LDB2: variants seen among roughly 807,000 people sequenced by gnomAD.
LDB2 encodes LIM domain binding 2, also known as LIM domain-binding protein 2.
A neutral mutation model predicts 44.3 loss-of-function variants in LDB2; 12 were observed. That is an observed-to-expected ratio of 0.27 (90% CI 0.17 to 0.44). The LOEUF (loss-of-function observed/expected upper bound fraction) is 0.44, where lower values mean the gene tolerates loss of function less well. LDB2 is among the 20% of genes least tolerant of loss of function. The pLI is 1.00. For synonymous variants in LDB2, 164 were observed against 174.8 expected (o/e 0.94, Z 0.49); for missense variants, 344 against 473.5 (o/e 0.73, Z 2.54).
At chr4:16,880,492 T>C (rs533594325) in intron 1 of LDB2, among the ~76,000 whole-genome samples, 1 of 152,334 alleles carries the variant, frequency 6.6e-6, no homozygotes, top group East Asian at 1.9e-4. Context: ...CATAGCCTTC[T>C]GTGCCTGAAA....
intron 1 of LDB2, among the ~76,000 whole-genome samples, chr4:16,831,329 G>T (rs1413212175): frequency 6.6e-6 from 1 of 152,076 alleles, no homozygotes; most frequent in Admixed American, 6.6e-5. Flanking sequence ...AATAAGCCGG[G>T]TCACATAGAT....
At position 16,871,195 on chromosome 4, in the gene LDB2, G is replaced by A. The variant is rs180683517; in HGVS notation, c.132+27159C>T. On this transcript the variant is annotated intron_variant, in intron 1 of 7. Transcript: ENST00000304523. ...TATTGGTGCCCTTGGGGTTATTTAT[G>A]TCTGTTGCATGATGGAAATACTGTA... Among the ~76,000 whole-genome samples the A allele has an allele frequency of 3.3e-4, 50 of 152,264 alleles. No homozygotes were observed. In the East Asian group the frequency reaches 8.3e-3, roughly 25 times the overall value.
intron 1 of LDB2, among the ~76,000 whole-genome samples, chr4:16,837,449 A>G (rs1390761638): frequency 6.6e-6 from 1 of 152,224 alleles, no homozygotes; most frequent in East Asian, 1.9e-4. Flanking sequence ...ATACCTTGGC[A>G]TAGTCTCTTC....
At chr4:16,883,881 T>C (rs1720893521) in intron 1 of LDB2, among the ~76,000 whole-genome samples, 2 of 152,126 alleles carry the variant, frequency 1.3e-5, no homozygotes. Context: ...TTACATCACC[T>C]TGGCTTACGG....
intron 1 of LDB2, among the ~76,000 whole-genome samples, chr4:16,785,100 G>A (rs941133450): frequency 1.3e-4 from 19 of 151,478 alleles, no homozygotes; most frequent in African/African-American, 3.9e-4. Flanking sequence ...GTGTATGTAC[G>A]TATATTTAAT....
intron 1 of LDB2, among the ~76,000 whole-genome samples, chr4:16,775,564 A>T (rs530597968): frequency 6.6e-6 from 1 of 152,226 alleles, no homozygotes; most frequent in Non-Finnish European, 1.5e-5. Context: ...ATTGTTATCC[A>T]TCATTATTAC....
chr4:16,753,444 G>A (rs771316829), intron 2 of LDB2, among the ~76,000 whole-genome samples: 3 of 152,150 alleles, frequency 2.0e-5, no homozygotes, highest in Non-Finnish European at 4.4e-5. Flanking sequence ...ATACTGCAAA[G>A]CTATTGGAGC....
Position 16,767,445 on chromosome 4 carries a change from A to T in LDB2, c.133-8185T>A, listed in dbSNP as rs150913404. 1.6e-3 allele frequency among the ~76,000 whole-genome samples: 242 copies of T among 152,296 alleles called. 1 individual carries two copies. In the East Asian group the frequency reaches 0.041, roughly 26 times the overall value. On this transcript the variant is annotated intron_variant, in intron 1 of 7. Transcript: ENST00000304523. ...TCATGGATCAGGAGGACTGAGTACC[A>T]AATGCCCGAACTCATGTGTAGATTG...
At chr4:16,563,114 C>T (rs1253068465) in intron 5 of LDB2, among the ~76,000 whole-genome samples, 1 of 151,540 alleles carries the variant, frequency 6.6e-6, no homozygotes, top group Admixed American at 6.6e-5. Flanking sequence ...ATACCTAATG[C>T]TAAATGACGA....
chr4:16,772,883 T>C (rs576947979), intron 1 of LDB2, among the ~76,000 whole-genome samples: 1 of 152,218 alleles, frequency 6.6e-6, no homozygotes, highest in African/African-American at 2.4e-5. Context: ...CATGATAATA[T>C]AAAGTGAAGG....
Position 16,799,553 on chromosome 4 carries a change from C to T in LDB2, c.133-40293G>A, listed in dbSNP as rs531805005. Among the ~76,000 whole-genome samples, 12 of 152,312 alleles carry T rather than the reference C, an allele frequency of 7.9e-5. No individual in the cohort carries two copies. In the South Asian group the frequency reaches 2.5e-3, roughly 32 times the overall value. ...TTCCTTTCCTTCAGGAACTTAGGTTCCTGCCAACCTGTAATCTGTGCCCCA... is the reference window on the plus strand; with the variant it reads ...TTCCTTTCCTTCAGGAACTTAGGTTTCTGCCAACCTGTAATCTGTGCCCCA... On this transcript the variant is annotated intron_variant, in intron 1 of 7. Transcript: ENST00000304523.
chr4:16,545,115 C>A (rs1026832741), intron 5 of LDB2, among the ~76,000 whole-genome samples: 14 of 151,746 alleles, frequency 9.2e-5, no homozygotes, highest in African/African-American at 3.4e-4. Context: ...TGCTCTCCTT[C>A]CTCCCTCCCT....
intron 1 of LDB2, among the ~76,000 whole-genome samples, chr4:16,780,095 A>G (rs1772843546): frequency 6.6e-6 from 1 of 152,246 alleles, no homozygotes; most frequent in Admixed American, 6.5e-5. Context: ...TATGCAGCTC[A>G]AAATTTAGAG....
At chr4:16,846,473 G>C (rs1031530015) in intron 1 of LDB2, among the ~76,000 whole-genome samples, 15 of 152,200 alleles carry the variant, frequency 9.9e-5, no homozygotes, top group African/African-American at 3.6e-4. Flanking sequence ...TATTGGAAGT[G>C]AGTCTAAAAA....
chr4:16,889,410 C>A (rs1400161928), intron 1 of LDB2: 1 of 152,114 alleles, frequency 6.6e-6, no homozygotes, highest in Admixed American at 6.6e-5. Context: ...TCAGGAGATT[C>A]CCAACAGATT....
chr4:16,877,113 A>G lies in LDB2; in HGVS notation c.132+21241T>C, dbSNP rs574534619. ...AACATTTTCAAATCTGTTACCTTTA[A>G]TATGCAACTGGCAAGAGAGACAGGC... On this transcript the variant is annotated intron_variant, in intron 1 of 7. Transcript: ENST00000304523. Among the ~76,000 whole-genome samples, 4 of 152,282 alleles carry G rather than the reference A, an allele frequency of 2.6e-5. No homozygotes were observed. In the South Asian group the frequency reaches 6.2e-4, roughly 24 times the overall value.
At chr4:16,744,467 A>ATT (rs199932720) in intron 2 of LDB2, among the ~76,000 whole-genome samples, 1 of 136,382 alleles carries the variant, frequency 7.3e-6, no homozygotes, top group African/African-American at 2.7e-5. Flanking sequence ...AAGTCACGTG[A>ATT]TTTTTTTTTG....
At chr4:16,701,374 A>C (rs1753403408) in intron 2 of LDB2, among the ~76,000 whole-genome samples, 1 of 152,208 alleles carries the variant, frequency 6.6e-6, no homozygotes, top group African/African-American at 2.4e-5. Context: ...TGAGTGTCCA[A>C]GACCTGCCTG....
chr4:16,658,027 A>G (rs1431757351), intron 2 of LDB2, among the ~76,000 whole-genome samples: 1 of 152,226 alleles, frequency 6.6e-6, no homozygotes, highest in East Asian at 1.9e-4. Context: ...TTACGAGTAT[A>G]TTGAAAACAA....
Sources: gnomAD v4.1 joint callset for allele counts (sites outside exome capture counted in the v4.1 genomes callset) on GRCh38, gnomAD v4.1.1 for gene constraint, MANE v1.5 for transcripts, NCBI Gene and HGNC (gene_info 2026-07-23, HGNC 2026-07-21) for gene names.